The following KAZN variants were observed in gnomAD, a reference collection of about 807,000 sequenced individuals.
KAZN encodes the protein kazrin, periplakin interacting protein.
Under a neutral mutation model 87.4 loss-of-function variants are expected in KAZN, and 40 were observed. The ratio of observed to expected loss-of-function variants is 0.46; its 90% CI spans 0.36 to 0.60. The LOEUF (loss-of-function observed/expected upper bound fraction) is 0.60. KAZN is among the 20% of genes least tolerant of loss of function. The pLI is 0.00. For synonymous variants in KAZN, 466 were observed against 458.3 expected, an observed-to-expected ratio of 1.02 and a Z score of -0.22; for missense variants, 898 against 1,073.9, an observed-to-expected ratio of 0.84 and a Z score of 2.29.
chr1:14,592,880 G>A (rs931413536), intron 2 of KAZN, among the ~76,000 whole-genome samples: 8 of 152,194 alleles, frequency 5.3e-5, no homozygotes, highest in Non-Finnish European at 8.8e-5. Context: ...CTTACCAGGT[G>A]GAATGCATGA....
intron 1 of KAZN, among the ~76,000 whole-genome samples, chr1:14,134,640 G>C (rs4662114): frequency 0.57 from 87,169 of 151,966 alleles, 26,293 homozygotes; most frequent in East Asian, 0.76. Flanking sequence ...ACTAAATAAA[G>C]GTGCACAGTC....
chr1:13,972,808 T>C (rs1405917885), intron 1 of KAZN, among the ~76,000 whole-genome samples: 1 of 152,188 alleles, frequency 6.6e-6, no homozygotes, highest in African/African-American at 2.4e-5. Context: ...GGGAAAGTAA[T>C]TTCCTTTCAG....
intron 2 of KAZN, among the ~76,000 whole-genome samples, chr1:14,962,847 G>A (rs954089832): frequency 6.6e-5 from 10 of 152,096 alleles, no homozygotes; most frequent in Admixed American, 3.9e-4. Flanking sequence ...CAGGGATGGC[G>A]GCGGCGGGAG....
At chr1:14,023,460 G>T (rs1570551608) in intron 1 of KAZN, among the ~76,000 whole-genome samples, 1 of 152,104 alleles carries the variant, frequency 6.6e-6, no homozygotes, top group East Asian at 1.9e-4. Context: ...TTCCATTTCT[G>T]CAGATGAGGA....
At chr1:14,448,426 A>G (rs904123309) in intron 2 of KAZN, among the ~76,000 whole-genome samples, 4 of 152,266 alleles carry the variant, frequency 2.6e-5, no homozygotes, top group South Asian at 2.1e-4. Flanking sequence ...GCTAACCAAC[A>G]GATAACTGGA....
chr1:14,088,445 A>G (rs1350572963), intron 1 of KAZN, among the ~76,000 whole-genome samples: 2 of 151,928 alleles, frequency 1.3e-5, no homozygotes, highest in Non-Finnish European at 2.9e-5. Context: ...GATTTTCCAG[A>G]TATCTTTCTG....
chr1:14,886,723 A>C (rs1483906567), intron 1 of KAZN, among the ~76,000 whole-genome samples: 1 of 152,118 alleles, frequency 6.6e-6, no homozygotes, highest in Non-Finnish European at 1.5e-5. Context: ...CCCAGGAGGC[A>C]GAGGTTGCCA....
At chr1:15,063,123 C>T (rs766953432) in intron 6 of KAZN, 9 of 172,746 alleles carry the variant, frequency 5.2e-5, no homozygotes, top group East Asian at 1.5e-4. Context: ...TTCATTGTGT[C>T]GGTTGTGGGG....
intron 1 of KAZN, among the ~76,000 whole-genome samples, chr1:14,890,349 C>T (rs913474783): frequency 2.6e-5 from 4 of 152,174 alleles, no homozygotes; most frequent in African/African-American, 9.7e-5. Context: ...CTCCACTGCC[C>T]GAGAATGGCA....
chr1:14,852,473 T>C (rs1438437278), intron 1 of KAZN, among the ~76,000 whole-genome samples: 1 of 152,180 alleles, frequency 6.6e-6, no homozygotes, highest in Non-Finnish European at 1.5e-5. Flanking sequence ...CTCTGTGATG[T>C]TCCCTTATCA....
intron 2 of KAZN, among the ~76,000 whole-genome samples, chr1:14,343,838 C>T (rs1657913756): frequency 6.6e-6 from 1 of 152,170 alleles, no homozygotes; most frequent in South Asian, 2.1e-4. Flanking sequence ...CCTTTCATTT[C>T]CTTCGGCAAA....
chr1:13,922,097 C>A (rs1640090158), intron 1 of KAZN, among the ~76,000 whole-genome samples: 1 of 152,070 alleles, frequency 6.6e-6, no homozygotes, highest in Admixed American at 6.5e-5. Flanking sequence ...TGAAGAGAAA[C>A]TGGGAAAGTA....
At chr1:14,496,681 C>T (rs1669959536) in intron 2 of KAZN, among the ~76,000 whole-genome samples, 1 of 151,770 alleles carries the variant, frequency 6.6e-6, no homozygotes, top group Non-Finnish European at 1.5e-5. Context: ...TGAAGCAGCT[C>T]GGCAGCGACT....
At chr1:14,147,967 C>T (rs1407944728) in intron 1 of KAZN, among the ~76,000 whole-genome samples, 1 of 152,106 alleles carries the variant, frequency 6.6e-6, no homozygotes, top group Non-Finnish European at 1.5e-5. Context: ...GTCCTGTAAT[C>T]CCAGCACTTT....
chr1:14,195,992 G>A (rs1295459797), intron 2 of KAZN, among the ~76,000 whole-genome samples: 1 of 152,108 alleles, frequency 6.6e-6, no homozygotes, highest in African/African-American at 2.4e-5. Flanking sequence ...TCCAATATAT[G>A]TAGGGTGGTC....
intron 2 of KAZN, among the ~76,000 whole-genome samples, chr1:14,591,397 GC>G (rs1475095839): frequency 6.7e-6 from 1 of 148,490 alleles, no homozygotes; most frequent in Non-Finnish European, 1.5e-5. Flanking sequence ...CTCTTGTAAG[GC>G]CCCGAACAGG....
chr1:13,942,733 A>G (rs1640987629), intron 1 of KAZN, among the ~76,000 whole-genome samples: 1 of 152,170 alleles, frequency 6.6e-6, no homozygotes, highest in Non-Finnish European at 1.5e-5. Flanking sequence ...GGACATTAAA[A>G]TAATTGTGAT....
intron 4 of KAZN, among the ~76,000 whole-genome samples, chr1:15,047,240 G>A (rs148849423): frequency 6.6e-6 from 1 of 152,352 alleles, no homozygotes; most frequent in Non-Finnish European, 1.5e-5. Context: ...CCTGACTGCA[G>A]GTTCCCTCCA....
chr1:14,213,549 A>G (rs2100462622), intron 2 of KAZN, among the ~76,000 whole-genome samples: 1 of 152,358 alleles, frequency 6.6e-6, no homozygotes, highest in African/African-American at 2.4e-5. Context: ...AGAGTGGCAC[A>G]GAGGCCAGTA....
Sources: allele counts gnomAD v4.1 joint callset (sites outside exome capture counted in the v4.1 genomes callset), GRCh38; gene constraint gnomAD v4.1.1; transcripts MANE v1.5; gene names NCBI Gene and HGNC (gene_info 2026-07-23, HGNC 2026-07-21).